The following PPP1R9A variants were observed in gnomAD, a reference collection of about 807,000 sequenced individuals.
PPP1R9A encodes the protein protein phosphatase 1 regulatory subunit 9A.
Under a neutral mutation model 141.9 loss-of-function variants are expected in PPP1R9A, and 59 were observed. The ratio of observed to expected loss-of-function variants is 0.42; its 90% CI spans 0.34 to 0.52. The LOEUF (loss-of-function observed/expected upper bound fraction) is 0.52, where lower values mean the gene tolerates loss of function less well. Ranked by LOEUF, PPP1R9A falls within the 20% of genes least tolerant of loss-of-function variation. The pLI is 0.10. For synonymous variants in PPP1R9A, 500 were observed against 569.7 expected, an observed-to-expected ratio of 0.88 and a Z score of 1.74; for missense variants, 1,444 against 1,611.9, an observed-to-expected ratio of 0.90 and a Z score of 1.78.
At chr7:95,002,372 G>A (rs1584218714) in intron 2 of PPP1R9A, among the ~76,000 whole-genome samples, 1 of 152,264 alleles carries the variant, frequency 6.6e-6, no homozygotes, top group South Asian at 2.1e-4. Flanking sequence ...GTTTATCCAA[G>A]ACCTGTAAGT....
At chr7:95,154,315 G>T (rs1429627454) in intron 4 of PPP1R9A, among the ~76,000 whole-genome samples, 1 of 151,778 alleles carries the variant, frequency 6.6e-6, no homozygotes, top group African/African-American at 2.4e-5. Flanking sequence ...TCTTGTATTT[G>T]TACATTTTTT....
At chr7:95,094,155 G>A (rs1817710628) in intron 2 of PPP1R9A, among the ~76,000 whole-genome samples, 1 of 152,130 alleles carries the variant, frequency 6.6e-6, no homozygotes, top group Non-Finnish European at 1.5e-5. Flanking sequence ...TGGATGATAG[G>A]ATGAGTGAAA....
chr7:94,934,739 A>G (rs112850077), intron 2 of PPP1R9A, among the ~76,000 whole-genome samples: 1 of 152,020 alleles, frequency 6.6e-6, no homozygotes, highest in South Asian at 2.1e-4. Context: ...GTACACATAT[A>G]TACGTCTATA....
At chr7:95,220,008 A>G (rs1274190145) in intron 7 of PPP1R9A, among the ~76,000 whole-genome samples, 1 of 152,154 alleles carries the variant, frequency 6.6e-6, no homozygotes, top group Non-Finnish European at 1.5e-5. Context: ...ACTCTTTCAT[A>G]TCACTACAAT....
chr7:95,079,297 T>C (rs1001175915), intron 2 of PPP1R9A, among the ~76,000 whole-genome samples: 22 of 152,166 alleles, frequency 1.4e-4, no homozygotes, highest in Admixed American at 2.0e-4. Context: ...GTTGTAGATA[T>C]GCGGCATTAT....
intron 2 of PPP1R9A, among the ~76,000 whole-genome samples, chr7:95,025,650 A>G (rs1190338974): frequency 1.3e-5 from 2 of 152,058 alleles, no homozygotes; most frequent in Non-Finnish European, 2.9e-5. Context: ...TCTCCTGGAT[A>G]AAATCCTGAA....
chr7:95,068,982 C>A (rs1230064532), intron 2 of PPP1R9A, among the ~76,000 whole-genome samples: 1 of 152,130 alleles, frequency 6.6e-6, no homozygotes, highest in African/African-American at 2.4e-5. Flanking sequence ...CCTAAAATGG[C>A]ATAGTATTTG....
At chr7:95,131,218 G>A (rs948672440) in intron 4 of PPP1R9A, among the ~76,000 whole-genome samples, 4 of 152,198 alleles carry the variant, frequency 2.6e-5, no homozygotes, top group Non-Finnish European at 5.9e-5. Flanking sequence ...TGCTGTTGTC[G>A]TGACAGTGAA....
At chr7:94,931,612 C>T (rs1260845210) in intron 2 of PPP1R9A, among the ~76,000 whole-genome samples, 1 of 152,036 alleles carries the variant, frequency 6.6e-6, no homozygotes, top group East Asian at 1.9e-4. Context: ...GAGTTTTGCT[C>T]TTGTTGCCCA....
chr7:94,991,055 G>C (rs1213723152), intron 2 of PPP1R9A, among the ~76,000 whole-genome samples: 1 of 151,950 alleles, frequency 6.6e-6, no homozygotes, highest in East Asian at 1.9e-4. Flanking sequence ...CTTTTCCTTT[G>C]GAAAAATGCC....
chr7:94,942,413 A>G (rs1180994799), intron 2 of PPP1R9A, among the ~76,000 whole-genome samples: 1 of 152,210 alleles, frequency 6.6e-6, no homozygotes, highest in African/African-American at 2.4e-5. Flanking sequence ...TTGGCAAACT[A>G]TGGCCCCTAG....
At chr7:95,072,732 CATATA>C (rs1165211930) in intron 2 of PPP1R9A, among the ~76,000 whole-genome samples, 28 of 97,570 alleles carry the variant, frequency 2.9e-4, no homozygotes, top group African/African-American at 5.1e-4. Flanking sequence ...ATATTTATTA[CATATA>C]ATATAATATA....
At chr7:94,931,570 G>A (rs1221646617) in intron 2 of PPP1R9A, among the ~76,000 whole-genome samples, 1 of 151,826 alleles carries the variant, frequency 6.6e-6, no homozygotes, top group Non-Finnish European at 1.5e-5. Context: ...TAGACTGACT[G>A]GATTCTTTCT....
At chr7:94,932,163 A>C (rs1794240288) in intron 2 of PPP1R9A, among the ~76,000 whole-genome samples, 1 of 152,210 alleles carries the variant, frequency 6.6e-6, no homozygotes, top group South Asian at 2.1e-4. Flanking sequence ...AAATCCATTA[A>C]CTTAGTATTG....
intron 2 of PPP1R9A, among the ~76,000 whole-genome samples, chr7:94,937,117 G>A (rs1344837200): frequency 2.6e-5 from 4 of 151,878 alleles, no homozygotes; most frequent in Admixed American, 1.3e-4. Context: ...GATTATTTCC[G>A]ATGTTTTTGC....
intron 5 of PPP1R9A, among the ~76,000 whole-genome samples, chr7:95,195,192 CAT>C (rs1836062429): frequency 6.6e-6 from 1 of 151,504 alleles, no homozygotes; most frequent in Non-Finnish European, 1.5e-5. Flanking sequence ...AAAAGCAAAA[CAT>C]AAACACTTTA....
At chr7:94,970,022 C>T (rs984996363) in intron 2 of PPP1R9A, among the ~76,000 whole-genome samples, 3 of 152,074 alleles carry the variant, frequency 2.0e-5, no homozygotes, top group East Asian at 3.9e-4. Flanking sequence ...TGTCCCAGGT[C>T]GACTTCATAC....
intron 2 of PPP1R9A, among the ~76,000 whole-genome samples, chr7:95,042,784 G>T (rs1466607430): frequency 6.6e-6 from 1 of 152,014 alleles, no homozygotes; most frequent in Non-Finnish European, 1.5e-5. Context: ...AAATACAATG[G>T]TTTTTGTATC....
Position 95,044,132 on chromosome 7 carries a change from T to C in PPP1R9A, c.1396-67127T>C, listed in dbSNP as rs186355331. Among the ~76,000 whole-genome samples, 78 of 152,284 alleles carry C rather than the reference T, an allele frequency of 5.1e-4. No homozygotes were observed. In the East Asian group the frequency reaches 9.3e-3, roughly 18 times the overall value. Reference sequence around the variant, plus strand: ...AACAGGAAATGAGGCAGTTACAGTGTTTTAGTTGTTTGTCCTTTATTTCTG... The same window carrying C: ...AACAGGAAATGAGGCAGTTACAGTGCTTTAGTTGTTTGTCCTTTATTTCTG... On this transcript the variant is annotated intron_variant, in intron 2 of 19. Transcript: ENST00000433360.
Sources: gnomAD v4.1 joint callset for allele counts (sites outside exome capture counted in the v4.1 genomes callset) on GRCh38, gnomAD v4.1.1 for gene constraint, MANE v1.5 for transcripts, NCBI Gene and HGNC (gene_info 2026-07-23, HGNC 2026-07-21) for gene names.